Variants in SLC35F1 observed in about 807,000 individuals in gnomAD.
SLC35F1 encodes chromosome 6 open reading frame 169.
Under a neutral mutation model 48.7 loss-of-function variants are expected in SLC35F1, and 14 were observed. That is an observed-to-expected ratio of 0.29 (90% confidence interval 0.19 to 0.45). SLC35F1 has a LOEUF of 0.45. Among genes scored for constraint, SLC35F1 ranks in the 20% least tolerant of loss-of-function variants. The pLI is 1.00. For synonymous variants in SLC35F1, 190 were observed against 202.2 expected, an observed-to-expected ratio of 0.94 and a Z score of 0.51; for missense variants, 404 against 500.0, an observed-to-expected ratio of 0.81 and a Z score of 1.83.
chr6:117,942,532 T>A (rs1241878863), intron 1 of SLC35F1, among the ~76,000 whole-genome samples: 1 of 152,226 alleles, frequency 6.6e-6, no homozygotes, highest in Non-Finnish European at 1.5e-5. Flanking sequence ...CTTAGTTTAA[T>A]GGGATTAATT....
chr6:118,145,530 C>T (rs1773958553), intron 1 of SLC35F1, among the ~76,000 whole-genome samples: 1 of 152,180 alleles, frequency 6.6e-6, no homozygotes, highest in Non-Finnish European at 1.5e-5. Flanking sequence ...TCTGACCCTT[C>T]TTCATCAGCC....
chr6:118,171,258 T>C (rs1164235830), intron 2 of SLC35F1, among the ~76,000 whole-genome samples: 1 of 152,132 alleles, frequency 6.6e-6, no homozygotes, highest in African/African-American at 2.4e-5. Context: ...TAGGCTGGTC[T>C]TGAACTCCAG....
chr6:118,262,366 A>G (rs932041631), intron 3 of SLC35F1, among the ~76,000 whole-genome samples: 3 of 152,144 alleles, frequency 2.0e-5, no homozygotes, highest in African/African-American at 7.2e-5. Flanking sequence ...AGGCACAGTG[A>G]TAAGATGGTC....
intron 1 of SLC35F1, among the ~76,000 whole-genome samples, chr6:117,935,345 T>C (rs1289879295): frequency 6.6e-6 from 1 of 152,236 alleles, no homozygotes; most frequent in Non-Finnish European, 1.5e-5. Flanking sequence ...AAGCAAATAC[T>C]GAATTCATGA....
intron 1 of SLC35F1, among the ~76,000 whole-genome samples, chr6:118,042,313 C>G (rs1425542866): frequency 6.6e-6 from 1 of 152,132 alleles, no homozygotes; most frequent in Non-Finnish European, 1.5e-5. Context: ...TATGGTTAAG[C>G]ATGATGAATG....
At chr6:118,109,758 C>T (rs1773373642) in intron 1 of SLC35F1, among the ~76,000 whole-genome samples, 2 of 152,086 alleles carry the variant, frequency 1.3e-5, no homozygotes, top group Non-Finnish European at 2.9e-5. Flanking sequence ...GCCAGACACA[C>T]CAGGAGCTGG....
intron 1 of SLC35F1, among the ~76,000 whole-genome samples, chr6:118,149,488 G>A (rs549706895): frequency 6.6e-6 from 1 of 152,118 alleles, no homozygotes; most frequent in Non-Finnish European, 1.5e-5. Flanking sequence ...CAACATTTAG[G>A]CATTTAGGTT....
rs538525099 is a variant in SLC35F1 at position 118,316,781 on chromosome 6, C to T, written c.*2529C>T. On this transcript the variant is annotated 3_prime_UTR_variant, in exon 8 of 8. Coordinates refer to ENST00000360388, the MANE Select transcript of SLC35F1 (RefSeq NM_001029858.4). ...ATGTTAAGATGAATTTGCCGTATAC[C>T]CTTTATCATTCGGTGTCCTTGTACT... 2.6e-5 allele frequency: 4 copies of T among 152,074 alleles called. No homozygotes were observed. Among genetic ancestry groups the T allele is most frequent in the African/African-American group, 9.7e-5 (4 of 41,398 alleles). 9.4% of individuals were successfully genotyped at this position (152,074 alleles called of 1,614,324 possible). A position where few individuals can be genotyped will look rare whatever the true frequency, so the allele number is the denominator to read the frequency against.
chr6:118,295,312 T>C (rs531579397), intron 7 of SLC35F1, among the ~76,000 whole-genome samples: 2 of 152,320 alleles, frequency 1.3e-5, no homozygotes, highest in African/African-American at 4.8e-5. Flanking sequence ...AGCCACTGTT[T>C]TGGTGCATAA....
intron 1 of SLC35F1, among the ~76,000 whole-genome samples, chr6:118,013,947 T>C (rs931055248): frequency 1.3e-5 from 2 of 152,210 alleles, no homozygotes; most frequent in Admixed American, 6.6e-5. Context: ...TTGGGTGTTA[T>C]ACAAATTCAG....
chr6:117,984,690 C>T (rs538910919), intron 1 of SLC35F1, among the ~76,000 whole-genome samples: 1 of 152,170 alleles, frequency 6.6e-6, no homozygotes, highest in African/African-American at 2.4e-5. Flanking sequence ...ACTGTCTGGT[C>T]CTGCACAGGA....
At chr6:118,021,645 C>A (rs1204918320) in intron 1 of SLC35F1, among the ~76,000 whole-genome samples, 2 of 152,102 alleles carry the variant, frequency 1.3e-5, no homozygotes, top group African/African-American at 4.8e-5. Context: ...CCATTTATGC[C>A]CATGGAATTC....
intron 1 of SLC35F1, among the ~76,000 whole-genome samples, chr6:118,081,504 A>C (rs540946911): frequency 6.6e-6 from 1 of 152,052 alleles, no homozygotes; most frequent in South Asian, 2.1e-4. Flanking sequence ...GCATGGTGGC[A>C]TGCACCTGTA....
At chr6:118,188,502 A>G (rs1774690713) in intron 2 of SLC35F1, among the ~76,000 whole-genome samples, 2 of 151,572 alleles carry the variant, frequency 1.3e-5, no homozygotes, top group South Asian at 4.2e-4. Context: ...GTGAGCCAAG[A>G]CCGTGCCGTT....
Position 118,212,981 on chromosome 6 carries a change from A to G in SLC35F1, c.350-22528A>G, listed in dbSNP as rs527817759. On this transcript the variant is annotated intron_variant, in intron 2 of 7. Coordinates refer to ENST00000360388, the MANE Select transcript of SLC35F1 (RefSeq NM_001029858.4). ...ATATTGTCTATAAAAAGTTAAAACC[A>G]TAAGTATTGAAGAAAGAACACTGAG... 5.9e-5 allele frequency among the ~76,000 whole-genome samples: 9 copies of G among 152,324 alleles called. No homozygotes were observed. In the South Asian group the frequency reaches 1.7e-3, roughly 28 times the overall value.
chr6:118,147,396 A>G (rs1210842463), intron 1 of SLC35F1, among the ~76,000 whole-genome samples: 2 of 152,108 alleles, frequency 1.3e-5, no homozygotes, highest in Non-Finnish European at 2.9e-5. Flanking sequence ...TGCCCACATA[A>G]TGTTGGTTAT....
At chr6:118,127,988 A>C (rs1332789846) in intron 1 of SLC35F1, among the ~76,000 whole-genome samples, 1 of 152,120 alleles carries the variant, frequency 6.6e-6, no homozygotes, top group Non-Finnish European at 1.5e-5. Flanking sequence ...ACCCCATCAA[A>C]AAGTGGGCAA....
chr6:118,011,365 AT>A (rs2114876490), intron 1 of SLC35F1, among the ~76,000 whole-genome samples: 1 of 152,278 alleles, frequency 6.6e-6, no homozygotes, highest in South Asian at 2.1e-4. Context: ...AAGCAGGTAC[AT>A]CTTCACATGG....
At chr6:118,044,875 T>C (rs1365771648) in intron 1 of SLC35F1, among the ~76,000 whole-genome samples, 1 of 152,126 alleles carries the variant, frequency 6.6e-6, no homozygotes, top group East Asian at 1.9e-4. Context: ...CCTCTGTCTC[T>C]ATGAGATGCA....
Sources: gnomAD v4.1 joint callset for allele counts (sites outside exome capture counted in the v4.1 genomes callset) on GRCh38, gnomAD v4.1.1 for gene constraint, MANE v1.5 for transcripts, NCBI Gene and HGNC (gene_info 2026-07-23, HGNC 2026-07-21) for gene names.